The following WDR27 variants were observed in gnomAD, a reference collection of about 807,000 sequenced individuals.
WDR27 encodes WD repeat-containing protein 27.
WDR27 carries 100 observed loss-of-function variants against 114.4 expected under a neutral mutation model. That is an observed-to-expected ratio of 0.87 (90% CI 0.74 to 1.03). The LOEUF is 1.03. Ranked by LOEUF, WDR27 falls within the 50% of genes least tolerant of loss-of-function variation. The pLI is 0.00. For synonymous variants in WDR27, 449 were observed against 423.1 expected (o/e 1.06, Z -0.75); for missense variants, 1,129 against 1,092.9 (o/e 1.03, Z -0.47).
In WDR27 at chr6:169,589,960, C is replaced by CAACAAGTCTTGAGAGAAGAAGCAAGAAA. The variant is rs11275789; in HGVS notation, c.2425-7027_2425-7026insTTTCTTGCTTCTTCTCTCAAGACTTGTT. On this transcript the variant is annotated intron_variant, in intron 23 of 25. Transcript: ENST00000448612. ...GGTAAATCTTATGCCAGAACCAAATCAAGGGAAGCAATATTTTTCAGGCAA... is the reference window on the plus strand; with the variant it reads ...GGTAAATCTTATGCCAGAACCAAATCAACAAGTCTTGAGAGAAGAAGCAAGAAAAAGGGAAGCAATATTTTTCAGGCAA... 2.0e-5 allele frequency among the ~76,000 whole-genome samples: 3 copies of CAACAAGTCTTGAGAGAAGAAGCAAGAAA among 151,948 alleles called. No individual in the cohort carries two copies. In the South Asian group the frequency reaches 6.2e-4, roughly 32 times the overall value.
In WDR27 at chr6:169,667,969, G is replaced by A. The variant is rs376230700; in HGVS notation, c.660+13C>T. 2.9e-5 allele frequency: 46 copies of A among 1,608,412 alleles called. No homozygotes were observed. Among genetic ancestry groups the A allele is most frequent in the African/African-American group, 2.8e-4 (21 of 74,892 alleles). On this transcript the variant is annotated intron_variant, in intron 5 of 25. Transcript: ENST00000448612. ...GTGCCACGCGGGAACGCCATCCAGC[G>A]TCCATCCCTCACCTTAAAGCCTCTG...
intron 2 of WDR27, among the ~76,000 whole-genome samples, chr6:169,683,658 G>C (rs181200512): frequency 8.8e-4 from 134 of 152,282 alleles, no homozygotes; most frequent in African/African-American, 3.1e-3. Context: ...GAGCAGCATA[G>C]AGGTACCTAG....
At chr6:169,681,672 C>G (rs528335258) in intron 2 of WDR27, among the ~76,000 whole-genome samples, 2 of 152,220 alleles carry the variant, frequency 1.3e-5, no homozygotes, top group Non-Finnish European at 2.9e-5. Flanking sequence ...TGAAAGCTGC[C>G]CTGTGGCTTC....
At chr6:169,494,441 T>G (rs974651255) in intron 25 of WDR27, among the ~76,000 whole-genome samples, 18 of 152,134 alleles carry the variant, frequency 1.2e-4, no homozygotes, top group African/African-American at 4.3e-4. Flanking sequence ...AGACTGGCAG[T>G]GCAATGGATT....
At chr6:169,494,005 G>C (rs181573390) in intron 25 of WDR27, among the ~76,000 whole-genome samples, 5 of 152,258 alleles carry the variant, frequency 3.3e-5, no homozygotes, top group South Asian at 2.1e-4. Flanking sequence ...TGATACTTTC[G>C]ACTGTCAATT....
At position 169,672,258 on chromosome 6, in the gene WDR27, G is replaced by T. The variant is rs760641333; in HGVS notation, c.328C>A (p.Gln110Lys). ...NLDECREKVL[Q>K]GLVPRGTVMG... ...CATGTTTTAGATTTTCATTTACCTTGAAGTACTTTCTCTCTACATTCATCC... is the reference window on the plus strand; with the variant it reads ...CATGTTTTAGATTTTCATTTACCTTTAAGTACTTTCTCTCTACATTCATCC... Residue 110 changes from glutamine to lysine, a missense_variant, in exon 3 of 26, where the codon CAA (glutamine) becomes AAA (lysine). Physicochemically the swap from Gln to Lys is moderately conservative, Grantham distance 53 (BLOSUM62 1). Coordinates refer to ENST00000448612, the MANE Select transcript of WDR27 (RefSeq NM_182552.5). The T allele has an allele frequency of 6.2e-7, 1 of 1,611,612 alleles. No individual in the cohort carries two copies. The highest frequency in any genetic ancestry group is 1.1e-5 in the South Asian group (1 of 90,320).
Position 169,622,318 on chromosome 6 carries a change from C to T in WDR27, c.2224-8662G>A, listed in dbSNP as rs111423793. Among the ~76,000 whole-genome samples the T allele has an allele frequency of 6.3e-3, 962 of 152,290 alleles. 12 individuals carry two copies. Among genetic ancestry groups the T allele is most frequent in the African/African-American group, 0.022 (923 of 41,554 alleles). On this transcript the variant is annotated intron_variant, in intron 21 of 25. Coordinates refer to ENST00000448612, the MANE Select transcript of WDR27 (RefSeq NM_182552.5). ...GTCAGGACCTCCTGAGGCTGTGTCA[C>T]GGCACCCATCCCCAACCTGGGCAAA...
At chr6:169,643,640 G>T (rs1213614741) in intron 17 of WDR27, 57 bp downstream of exon 17, 1 of 1,446,854 alleles carries the variant, frequency 6.9e-7, no homozygotes, top group South Asian at 1.2e-5. Context: ...TGATAACCAG[G>T]ACCTAAGTGA....
intron 1 of WDR27, among the ~76,000 whole-genome samples, chr6:169,699,744 G>T (rs1211202714): frequency 1.3e-5 from 2 of 152,148 alleles, no homozygotes; most frequent in African/African-American, 2.4e-5. Context: ...CACTTTGTGG[G>T]GCCGAGGCAG....
At chr6:169,660,049 G>A (rs1825601959) in intron 10 of WDR27, among the ~76,000 whole-genome samples, 1 of 151,754 alleles carries the variant, frequency 6.6e-6, no homozygotes, top group Admixed American at 6.6e-5. Flanking sequence ...TGCCCGGGAG[G>A]CCGCCGAGGA....
chr6:169,597,490 T>G (rs1807040197), intron 23 of WDR27, among the ~76,000 whole-genome samples: 1 of 152,190 alleles, frequency 6.6e-6, no homozygotes, highest in Non-Finnish European at 1.5e-5. Flanking sequence ...ACTTCCTTAC[T>G]ATAAACAGAG....
At chr6:169,587,729 G>A (rs1239793775) in intron 23 of WDR27, among the ~76,000 whole-genome samples, 1 of 152,076 alleles carries the variant, frequency 6.6e-6, no homozygotes, top group African/African-American at 2.4e-5. Flanking sequence ...TAACAATCCT[G>A]TACCCACATA....
chr6:169,459,941 C>T (rs903195431), intron 25 of WDR27, among the ~76,000 whole-genome samples: 18 of 152,068 alleles, frequency 1.2e-4, no homozygotes, highest in African/African-American at 3.9e-4. Context: ...ACTAGACCTG[C>T]CCTGCCAGAA....
chr6:169,493,809 A>T (rs2115446263), intron 25 of WDR27, among the ~76,000 whole-genome samples: 1 of 152,324 alleles, frequency 6.6e-6, no homozygotes, highest in South Asian at 2.1e-4. Context: ...TATATATGAC[A>T]TACATATGTA....
chr6:169,463,516 T>C (rs1356804196), intron 25 of WDR27, among the ~76,000 whole-genome samples: 4 of 152,208 alleles, frequency 2.6e-5, no homozygotes, highest in African/African-American at 9.7e-5. Flanking sequence ...CATTTATATT[T>C]AGAATGGTAT....
At chr6:169,449,519 T>A in the WDR27 span, among the ~76,000 whole-genome samples, 2 of 152,150 alleles carry the variant, frequency 1.3e-5, no homozygotes, top group African/African-American at 4.8e-5. Flanking sequence ...GGCCTTAGCA[T>A]GCTGACTCTG....
At chr6:169,543,318 C>A (rs1356078506) in intron 25 of WDR27, among the ~76,000 whole-genome samples, 1 of 152,012 alleles carries the variant, frequency 6.6e-6, no homozygotes, top group Non-Finnish European at 1.5e-5. Flanking sequence ...AAAGTGAGTA[C>A]AAGGAACTAT....
chr6:169,631,806 G>C (rs1165614084), intron 21 of WDR27, among the ~76,000 whole-genome samples: 1 of 152,148 alleles, frequency 6.6e-6, no homozygotes, highest in Non-Finnish European at 1.5e-5. Context: ...TAGCAGCCCA[G>C]AATCTTTGCT....
At chr6:169,588,464 T>A (rs911715267) in intron 23 of WDR27, among the ~76,000 whole-genome samples, 8 of 152,244 alleles carry the variant, frequency 5.3e-5, no homozygotes, top group African/African-American at 1.4e-4. Flanking sequence ...CTGTGAGTTT[T>A]TTCAAGTTGT....
Sources: allele counts gnomAD v4.1 joint callset (sites outside exome capture counted in the v4.1 genomes callset), GRCh38; gene constraint gnomAD v4.1.1; transcripts MANE v1.5; gene names NCBI Gene and HGNC (gene_info 2026-07-23, HGNC 2026-07-21).